LSAMP: variants seen among roughly 807,000 people sequenced by gnomAD.
LSAMP encodes limbic system associated membrane protein, also known as limbic system-associated membrane protein.
LSAMP carries 7 observed loss-of-function variants against 38.6 expected under a neutral mutation model. The observed-to-expected ratio is 0.18, with a 90% CI of 0.10 to 0.34. LSAMP has a LOEUF of 0.34. Ranked by LOEUF, LSAMP falls within the 10% of genes least tolerant of loss-of-function variation. LSAMP has a pLI of 1.00. For missense variants in LSAMP, 313 were observed against 420.0 expected, an observed-to-expected ratio of 0.75 and a Z score of 2.23; for synonymous variants, 154 against 166.8, an observed-to-expected ratio of 0.92 and a Z score of 0.59.
chr3:116,390,073 C>G (rs987567961), intron 1 of LSAMP, among the ~76,000 whole-genome samples: 5 of 151,766 alleles, frequency 3.3e-5, no homozygotes, highest in Non-Finnish European at 5.9e-5. Flanking sequence ...CTCAGAAGGA[C>G]CTTCCAGGTA....
intron 2 of LSAMP, among the ~76,000 whole-genome samples, chr3:116,055,089 TGC>T (rs1400338610): frequency 2.0e-5 from 3 of 152,320 alleles, no homozygotes; most frequent in Non-Finnish European, 4.4e-5. Flanking sequence ...GTCCCTGATT[TGC>T]TGTGCAAATA....
chr3:115,873,329 G>T (rs1936097574), intron 3 of LSAMP, among the ~76,000 whole-genome samples: 1 of 150,808 alleles, frequency 6.6e-6, no homozygotes, highest in Non-Finnish European at 1.5e-5. Flanking sequence ...GTTGCAGTGA[G>T]CTAAGATCAC....
chr3:115,891,514 C>T (rs181683402), intron 3 of LSAMP, among the ~76,000 whole-genome samples: 17 of 152,116 alleles, frequency 1.1e-4, no homozygotes, highest in African/African-American at 4.1e-4. Context: ...TCAGCAGTCA[C>T]CTGGCCCACC....
rs16824895 is a variant in LSAMP, at chr3:116,423,466, A to C, written c.155+21411T>G. Among the ~76,000 whole-genome samples the C allele has an allele frequency of 2.7e-3, 412 of 152,336 alleles. 2 individuals carry two copies. The highest frequency in any genetic ancestry group is 9.5e-3 in the African/African-American group (394 of 41,596). The stretch of plus-strand genomic sequence containing the variant: ...GAGAACACTGAGGAAAGCAATGTTA[A>C]AGATGTTTGCACACATTCCTCTGGG... On this transcript the variant is annotated intron_variant, in intron 1 of 6. Transcript: ENST00000490035.
At chr3:115,915,508 T>A (rs896475815) in intron 3 of LSAMP, among the ~76,000 whole-genome samples, 1 of 152,234 alleles carries the variant, frequency 6.6e-6, no homozygotes, top group Non-Finnish European at 1.5e-5. Context: ...AAGGCTGGAA[T>A]GATTTAAGAA....
At position 115,920,258 on chromosome 3, in the gene LSAMP, C is replaced by T. The variant is rs190756733; in HGVS notation, c.515-67641G>A. On this transcript the variant is annotated intron_variant, in intron 3 of 6. Transcript: ENST00000490035. ...TTAATTTTTACATTGTTTTGAGGAACCTCTTTACTGGTTTCCATACTGGCT... is the reference window on the plus strand; with the variant it reads ...TTAATTTTTACATTGTTTTGAGGAATCTCTTTACTGGTTTCCATACTGGCT... 3.9e-5 allele frequency among the ~76,000 whole-genome samples: 6 copies of T among 152,234 alleles called. No homozygotes were observed. In the East Asian group the frequency reaches 1.2e-3, roughly 29 times the overall value.
chr3:116,410,562 CCTT>C (rs1219141014), intron 1 of LSAMP, among the ~76,000 whole-genome samples: 2 of 152,048 alleles, frequency 1.3e-5, no homozygotes, highest in African/African-American at 4.8e-5. Flanking sequence ...TAAAACACCT[CCTT>C]AACTTCTTTT....
At chr3:116,249,491 T>C (rs1453389955) in intron 1 of LSAMP, among the ~76,000 whole-genome samples, 1 of 152,010 alleles carries the variant, frequency 6.6e-6, no homozygotes. Flanking sequence ...CTTTGAGCGA[T>C]TCTCCTGCCT....
At chr3:116,400,437 T>TC (rs1242198737) in intron 1 of LSAMP, among the ~76,000 whole-genome samples, 10 of 118,716 alleles carry the variant, frequency 8.4e-5, no homozygotes, top group Non-Finnish European at 1.4e-4. Context: ...CCTCCCTCCC[T>TC]CCTTCCTTCC....
At chr3:116,015,206 C>A (rs1247554980) in intron 3 of LSAMP, among the ~76,000 whole-genome samples, 1 of 152,104 alleles carries the variant, frequency 6.6e-6, no homozygotes, top group East Asian at 1.9e-4. Flanking sequence ...CCTCAGTGTG[C>A]CTTTTGAGTT....
intron 1 of LSAMP, among the ~76,000 whole-genome samples, chr3:116,402,669 C>T (rs72951916): frequency 0.11 from 16,570 of 151,732 alleles, 1,256 homozygotes; most frequent in African/African-American, 0.22. Context: ...TATATATATG[C>T]GAGTATATGC....
At chr3:116,202,336 G>C (rs772380244) in intron 1 of LSAMP, among the ~76,000 whole-genome samples, 6 of 152,136 alleles carry the variant, frequency 3.9e-5, no homozygotes, top group Non-Finnish European at 7.4e-5. Context: ...GTTTCACCAT[G>C]TTGGCCAGGC....
intron 1 of LSAMP, among the ~76,000 whole-genome samples, chr3:116,333,038 T>C (rs2047870950): frequency 1.3e-5 from 2 of 152,068 alleles, no homozygotes; most frequent in Non-Finnish European, 2.9e-5. Flanking sequence ...ACAATAATAG[T>C]TGTAGACTTA....
At chr3:115,903,545 G>T (rs1936933151) in intron 3 of LSAMP, among the ~76,000 whole-genome samples, 1 of 152,152 alleles carries the variant, frequency 6.6e-6, no homozygotes, top group Non-Finnish European at 1.5e-5. Flanking sequence ...GATGGAATTT[G>T]TTGGAAAAAG....
intron 3 of LSAMP, among the ~76,000 whole-genome samples, chr3:115,876,350 G>C (rs918273381): frequency 1.4e-5 from 2 of 147,970 alleles, no homozygotes; most frequent in African/African-American, 5.0e-5. Context: ...TTCCTTGACA[G>C]AGGTTTAATT....
intron 6 of LSAMP, among the ~76,000 whole-genome samples, chr3:115,826,151 G>C (rs1816677): frequency 2.0e-5 from 3 of 151,688 alleles, no homozygotes; most frequent in African/African-American, 7.3e-5. Context: ...GTCTCGATCT[G>C]TCACCCAGGC....
rs2049494017 is a variant in LSAMP at position 116,445,135 on chromosome 3, A to C, written c.-104T>G. ...CGGGGCTTTCATCCACAGCGAGCGC[A>C]GAGCGGGCTTTGCCAGTTTATGGTC... is the stretch of plus-strand genomic sequence containing the variant. On this transcript the variant is annotated 5_prime_UTR_variant, in exon 1 of 7. Coordinates refer to ENST00000490035, the MANE Select transcript of LSAMP (RefSeq NM_002338.5). The C allele has an allele frequency of 1.6e-6, 2 of 1,232,244 alleles. No individual in the cohort carries two copies. Among genetic ancestry groups the C allele is most frequent in the East Asian group, 4.9e-5 (2 of 40,508 alleles). 76.3% of individuals were successfully genotyped at this position (1,232,244 alleles called of 1,614,324 possible). A position where few individuals can be genotyped will look rare whatever the true frequency, so the allele number is the denominator to read the frequency against.
chr3:116,000,687 T>C (rs563748190), intron 3 of LSAMP, among the ~76,000 whole-genome samples: 1 of 152,300 alleles, frequency 6.6e-6, no homozygotes, highest in Admixed American at 6.5e-5. Context: ...TTCCTTCAAG[T>C]AACACATGTT....
chr3:116,389,625 T>C (rs1038855522), intron 1 of LSAMP, among the ~76,000 whole-genome samples: 12 of 152,120 alleles, frequency 7.9e-5, no homozygotes, highest in African/African-American at 2.4e-4. Context: ...CAGGAAACGA[T>C]GTAGCAAGAG....
Sources: gnomAD v4.1 joint callset for allele counts (sites outside exome capture counted in the v4.1 genomes callset) on GRCh38, gnomAD v4.1.1 for gene constraint, MANE v1.5 for transcripts, NCBI Gene and HGNC (gene_info 2026-07-23, HGNC 2026-07-21) for gene names.